Variants in ZNF497 observed in about 807,000 individuals in gnomAD.
ZNF497 encodes the protein zinc finger-like protein.
For synonymous variants in ZNF497, 422 were observed against 313.7 expected, an observed-to-expected ratio of 1.35 and a Z score of -3.65; for missense variants, 930 against 714.0, an observed-to-expected ratio of 1.30 and a Z score of -3.45.
chr19:58,362,148 C>T (rs574834918), intron 1 of ZNF497, among the ~76,000 whole-genome samples: 4 of 152,328 alleles, frequency 2.6e-5, no homozygotes, highest in African/African-American at 9.6e-5. Flanking sequence ...GGCACTTGTC[C>T]GACCAGTCAC....
chr19:58,354,881 C>G lies in ZNF497; in HGVS notation c.*1258G>C, dbSNP rs2052000722. 1 of 152,372 alleles carries G rather than the reference C, an allele frequency of 6.6e-6. No homozygotes were observed. The highest frequency in any genetic ancestry group is 6.5e-5 in the Admixed American group (1 of 15,284). The allele number at this position is 152,372 out of a possible 1,614,324, so 9.4% of individuals were successfully genotyped here. The stretch of plus-strand genomic sequence containing the variant: ...TCAGACCACTGAACAGTGACAGAAC[C>G]TTTCAGCCCATTGGCAATGAGGCTG... On this transcript the variant is annotated 3_prime_UTR_variant, in exon 3 of 3. Transcript: ENST00000311044.
chr19:58,359,283 AG>A (rs998616247), intron 1 of ZNF497: 15 of 1,288,358 alleles, frequency 1.2e-5, no homozygotes, highest in Non-Finnish European at 1.5e-5. Context: ...CTTTCCTGGG[AG>A]GGGAGTGCAG....
chr19:58,357,599 G>A lies in ZNF497; in HGVS notation c.37C>T (p.Pro13Ser), dbSNP rs770112360. ...TTGCAGAGGACCTGGCCTTCCTCTG[G>A]GGCCACCTGCAGGGTCCACCCTCTT... The part of the protein sequence containing the change: ...SPRGWTLQVA[P>S]EEGQVLCNVK... The change falls in exon 3 of 3, where the codon CCA becomes TCA. Residue 13 changes from proline to serine, a missense_variant. Physicochemically the swap from Pro to Ser is moderately conservative, Grantham distance 74. Coordinates refer to ENST00000311044, the MANE Select transcript of ZNF497 (RefSeq NM_198458.3). 2 of 1,557,962 alleles carry A rather than the reference G, an allele frequency of 1.3e-6. No individual in the cohort carries two copies. Among genetic ancestry groups the A allele is most frequent in the Non-Finnish European group, 1.7e-6 (2 of 1,155,652 alleles).
At position 58,355,680 on chromosome 19, in the gene ZNF497, G is replaced by C. The variant is rs1568556730; in HGVS notation, c.*459C>G. ...TCATCATGTTTAACTGTCACCTGTG[G>C]TTGCCTGAGATGAAGTGCTGACTGA... On this transcript the variant is annotated 3_prime_UTR_variant, in exon 3 of 3. Coordinates refer to ENST00000311044, the MANE Select transcript of ZNF497 (RefSeq NM_198458.3). 6.2e-6 allele frequency: 1 copy of C among 160,086 alleles called. No homozygotes were observed. The highest frequency in any genetic ancestry group is 2.4e-5 in the African/African-American group (1 of 41,640). The allele number at this position is 160,086 out of a possible 1,614,324, so 9.9% of individuals were successfully genotyped here. A position where few individuals can be genotyped will look rare whatever the true frequency, so the allele number is the denominator to read the frequency against.
At chr19:58,361,443 G>A (rs762906973) in intron 1 of ZNF497, among the ~76,000 whole-genome samples, 1 of 151,986 alleles carries the variant, frequency 6.6e-6, no homozygotes, top group Non-Finnish European at 1.5e-5. Flanking sequence ...CGCGACCTCC[G>A]CCTCCTGGGT....
At chr19:58,358,990 G>C (rs1399156661) in intron 1 of ZNF497, 1 of 477,700 alleles carries the variant, frequency 2.1e-6, no homozygotes, top group Non-Finnish European at 4.1e-6. Context: ...GCTCCTGCGT[G>C]TAGGCCTGGA....
chr19:58,361,146 T>C (rs1434076956), intron 1 of ZNF497, among the ~76,000 whole-genome samples: 1 of 151,202 alleles, frequency 6.6e-6, no homozygotes, highest in Non-Finnish European at 1.5e-5. Flanking sequence ...AAAGTGCTAG[T>C]ATTACAGGCG....
intron 1 of ZNF497, among the ~76,000 whole-genome samples, chr19:58,360,971 C>G (rs914946260): frequency 4.0e-5 from 6 of 151,548 alleles, no homozygotes; most frequent in African/African-American, 1.2e-4. Context: ...TTTGGTAGAG[C>G]CGGGGTTTCA....
intron 1 of ZNF497, chr19:58,362,446 C>T (rs1245766457): frequency 6.6e-6 from 1 of 152,192 alleles, no homozygotes; most frequent in East Asian, 1.9e-4. Context: ...CCATAAGGCT[C>T]GCGTTCACCG....
Position 58,355,855 on chromosome 19 carries a change from GC to G in ZNF497, c.*283del. On this transcript the variant is annotated 3_prime_UTR_variant, in exon 3 of 3. Transcript: ENST00000311044. ...ACACCTGTCGGAGACCCCAGTTCTTGCCCACCTCTGCATGGACGAACCTCTC... is the reference window on the plus strand; with the variant it reads ...ACACCTGTCGGAGACCCCAGTTCTTGCCACCTCTGCATGGACGAACCTCTC... The G allele has an allele frequency of 2.5e-6, 1 of 399,916 alleles. No individual in the cohort carries two copies. Among genetic ancestry groups the G allele is most frequent in the South Asian group, 5.2e-5 (1 of 19,150 alleles). The allele number at this position is 399,916 out of a possible 1,614,324, so 24.8% of individuals were successfully genotyped here.
intron 1 of ZNF497, 191 bp from the exon 2 acceptor site, chr19:58,358,776 G>A (rs578190819): frequency 2.2e-6 from 1 of 458,548 alleles, no homozygotes; most frequent in East Asian, 6.9e-5. Context: ...ACTCCCACCT[G>A]TCACCATCAC....
chr19:58,356,790 G>A lies in ZNF497; in HGVS notation c.846C>T (p.Ala282=). 2 of 1,579,610 alleles carry A rather than the reference G, an allele frequency of 1.3e-6. No individual in the cohort carries two copies. Among genetic ancestry groups the A allele is most frequent in the Admixed American group, 1.8e-5 (1 of 56,152 alleles). ...RPHACPDCGK[A]FVRVAGLRQH... Reference sequence around the variant, plus strand: ...GCCGCAGCCCCGCCACACGCACGAAGGCCTTGCCGCAGTCGGGACAGGCGT... The same window carrying A: ...GCCGCAGCCCCGCCACACGCACGAAAGCCTTGCCGCAGTCGGGACAGGCGT... The change falls in exon 3 of 3, where the codon GCC becomes GCT. Residue 282 remains alanine, a synonymous_variant. Transcript: ENST00000311044.
In ZNF497 at chr19:58,357,501, C is replaced by T. The variant is rs777198103; in HGVS notation, c.135G>A (p.Thr45=). Residue 45 remains threonine, a synonymous_variant, in exon 3 of 3, where the codon ACG becomes ACA. Transcript: ENST00000311044. ...CGTCCCCTGCCTCCCTCGGAACCTC[C>T]GTGGAGTTTTCCCAGGCCCCCCAGC... ...SGGWGAWENS[T]EVPREAGDGQ... The T allele has an allele frequency of 4.4e-6, 7 of 1,602,944 alleles. No homozygotes were observed. Among genetic ancestry groups the T allele is most frequent in the African/African-American group, 2.7e-5 (2 of 74,638 alleles).
intron 1 of ZNF497, among the ~76,000 whole-genome samples, chr19:58,361,793 T>C (rs1398437234): frequency 6.6e-6 from 1 of 152,208 alleles, no homozygotes; most frequent in East Asian, 1.9e-4. Flanking sequence ...CTGATTTCAA[T>C]AAAAATCCAT....
At chr19:58,358,138 A>G in intron 2 of ZNF497, 2 of 1,268,064 alleles carry the variant, frequency 1.6e-6, no homozygotes, top group South Asian at 2.5e-5. Flanking sequence ...CCCTGGCCGG[A>G]TCCCTGGGTA....
chr19:58,359,530 C>G (rs1052711034), intron 1 of ZNF497: 14 of 452,244 alleles, frequency 3.1e-5, no homozygotes, highest in African/African-American at 2.4e-4. Flanking sequence ...CCCCCCGCCT[C>G]CCCGCTTTTC....
chr19:58,356,602 A>C lies in ZNF497; in HGVS notation c.1034T>G (p.Leu345Arg). The C allele has an allele frequency of 6.5e-7, 1 of 1,546,184 alleles. No individual in the cohort carries two copies. The highest frequency in any genetic ancestry group is 8.7e-7 in the Non-Finnish European group (1 of 1,150,696). Residue 345 changes from leucine (L) to arginine (R), a missense_variant, in exon 3 of 3, where the codon CTG becomes CGG. Transcript: ENST00000311044. Reference sequence around the variant, plus strand: ...CGTGTGCACGCGCCGGTGCTCCGCCAGGTAGGAGCCCATGACGAAAGCCTG... The same window carrying C: ...CGTGTGCACGCGCCGGTGCTCCGCCCGGTAGGAGCCCATGACGAAAGCCTG... ...CGQAFVMGSY[L>R]AEHRRVHTGE...
intron 1 of ZNF497, chr19:58,359,131 TG>T (rs2052063040): frequency 8.0e-7 from 1 of 1,245,012 alleles, no homozygotes; most frequent in African/African-American, 1.5e-5. Flanking sequence ...CTCGGGGCCC[TG>T]CTGCCTTCTC....
chr19:58,360,195 G>A (rs2052076001), intron 1 of ZNF497, among the ~76,000 whole-genome samples: 1 of 152,120 alleles, frequency 6.6e-6, no homozygotes, highest in African/African-American at 2.4e-5. Flanking sequence ...TACAGCCGTG[G>A]GAGTGATGAA....
Sources: gnomAD v4.1 joint callset for allele counts (sites outside exome capture counted in the v4.1 genomes callset) on GRCh38, gnomAD v4.1.1 for gene constraint, MANE v1.5 for transcripts, NCBI Gene and HGNC (gene_info 2026-07-23, HGNC 2026-07-21) for gene names.